GPATCH8: variants seen among roughly 807,000 people sequenced by gnomAD.
The protein encoded by GPATCH8 is G-patch domain containing 8.
GPATCH8 carries 18 observed loss-of-function variants against 118.3 expected under a neutral mutation model. That is an observed-to-expected ratio of 0.15 (90% CI 0.11 to 0.23). The LOEUF is 0.23. GPATCH8 is among the 10% of genes least tolerant of loss of function. The pLI, the probability that GPATCH8 is intolerant of heterozygous loss-of-function variation, is 1.00. For missense variants in GPATCH8, 1,631 were observed against 1,873.8 expected (o/e 0.87, Z 2.39); for synonymous variants, 659 against 684.7 (o/e 0.96, Z 0.59).
rs959078151 is a variant in GPATCH8 at position 44,400,784 on chromosome 17, G to A, written c.1293C>T (p.Ala431=). 3.7e-6 allele frequency: 6 copies of A among 1,613,968 alleles called. No individual in the cohort carries two copies. The highest frequency in any genetic ancestry group is 5.1e-6 in the Non-Finnish European group (6 of 1,179,904). ...GAGAACTGCCTTTTTTACTCTCTGGGGCATTCTTTGGGTGTGTAGTATTAT... is the reference window on the plus strand; with the variant it reads ...GAGAACTGCCTTTTTTACTCTCTGGAGCATTCTTTGGGTGTGTAGTATTAT... The part of the protein sequence containing the change: ...DGDNTTHPKN[A]PESKKGSSPK... The change falls in exon 8 of 8, where the codon GCC becomes GCT. Residue 431 remains alanine (A), a synonymous_variant. Coordinates refer to ENST00000591680, the MANE Select transcript of GPATCH8 (RefSeq NM_001002909.4).
intron 4 of GPATCH8, among the ~76,000 whole-genome samples, chr17:44,435,624 C>A: frequency 6.7e-6 from 1 of 149,368 alleles, no homozygotes; most frequent in African/African-American, 2.4e-5. Flanking sequence ...ATCATGTTGG[C>A]CAGGCTGATC....
chr17:44,497,420 T>A (rs1969738643), intron 1 of GPATCH8, among the ~76,000 whole-genome samples: 1 of 149,462 alleles, frequency 6.7e-6, no homozygotes, highest in African/African-American at 2.5e-5. Flanking sequence ...AGAAACCCCA[T>A]CTCTACAAAA....
intron 5 of GPATCH8, among the ~76,000 whole-genome samples, chr17:44,431,145 C>T (rs1283474071): frequency 9.3e-5 from 14 of 150,932 alleles, no homozygotes; most frequent in South Asian, 6.3e-4. Context: ...CTGAGGCAGG[C>T]GGATCACTTG....
At chr17:44,434,473 G>C (rs551375832) in intron 5 of GPATCH8, among the ~76,000 whole-genome samples, 96 of 152,312 alleles carry the variant, frequency 6.3e-4, no homozygotes, top group African/African-American at 2.3e-3. Flanking sequence ...GGAAGCCGTG[G>C]CAGGCAGATC....
intron 2 of GPATCH8, among the ~76,000 whole-genome samples, chr17:44,474,244 C>T (rs1164938877): frequency 1.3e-5 from 2 of 152,092 alleles, no homozygotes; most frequent in Non-Finnish European, 2.9e-5. Context: ...AATAAATCTC[C>T]TTGTTCTATT....
At chr17:44,477,959 G>GCCA (rs2144396792) in intron 1 of GPATCH8, among the ~76,000 whole-genome samples, 2 of 149,094 alleles carry the variant, frequency 1.3e-5, no homozygotes, top group East Asian at 4.1e-4. Context: ...ACAGGCACAC[G>GCCA]CCACCACACC....
At chr17:44,468,368 TGTTCC>T (rs1221016939) in intron 2 of GPATCH8, among the ~76,000 whole-genome samples, 1 of 141,428 alleles carries the variant, frequency 7.1e-6, no homozygotes, top group East Asian at 2.1e-4. Flanking sequence ...TAAATTTCTT[TGTTCC>T]TTTTTTTTTT....
intron 3 of GPATCH8, 113 bp downstream of exon 3, chr17:44,464,359 G>A (rs1175198169): frequency 2.6e-6 from 2 of 778,558 alleles, no homozygotes; most frequent in East Asian, 4.9e-5. Flanking sequence ...GGGGAAAAAG[G>A]TAGTAGGGAG....
At chr17:44,501,421 A>C (rs1380220601) in intron 1 of GPATCH8, among the ~76,000 whole-genome samples, 2 of 152,146 alleles carry the variant, frequency 1.3e-5, no homozygotes, top group Non-Finnish European at 2.9e-5. Context: ...CATTTCAAAA[A>C]AAAAAAAAAT....
intron 1 of GPATCH8, chr17:44,486,918 C>T (rs1376965573): frequency 6.6e-6 from 1 of 151,692 alleles, no homozygotes; most frequent in Non-Finnish European, 1.5e-5. Flanking sequence ...TTAGGTTTAT[C>T]GCAAAGTTGA....
At position 44,431,706 on chromosome 17, in the gene GPATCH8, G is replaced by T. The variant is rs1330877574; in HGVS notation, c.348+3359C>A. Among the ~76,000 whole-genome samples, 3 of 151,920 alleles carry T rather than the reference G, an allele frequency of 2.0e-5. No homozygotes were observed. The South Asian group carries it at 6.2e-4, about 32-fold the overall frequency. On this transcript the variant is annotated intron_variant, in intron 5 of 7. Coordinates refer to ENST00000591680, the MANE Select transcript of GPATCH8 (RefSeq NM_001002909.4). The stretch of plus-strand genomic sequence containing the variant: ...ATAAAAATGGGAGGCTGAGGTAGGG[G>T]GATCATTTGAAGTCAGGAGTTTGAG...
intron 3 of GPATCH8, among the ~76,000 whole-genome samples, chr17:44,442,655 G>A (rs1260911910): frequency 9.2e-5 from 14 of 152,146 alleles, no homozygotes. Context: ...AGTAGAGATG[G>A]GGTTTCACCA....
chr17:44,445,757 C>G (rs923747320), intron 3 of GPATCH8: 1 of 152,188 alleles, frequency 6.6e-6, no homozygotes. Flanking sequence ...CCACCCACCT[C>G]ATACTCCCAA....
rs1185448660 is a variant in GPATCH8, at chr17:44,475,611, G to A, written c.46-708C>T. Among the ~76,000 whole-genome samples the A allele has an allele frequency of 6.4e-4, 97 of 150,564 alleles. 1 individual carries two copies. The highest frequency in any genetic ancestry group is 6.4e-3 in the Admixed American group (96 of 15,090). On this transcript the variant is annotated intron_variant, in intron 1 of 7. Coordinates refer to ENST00000591680, the MANE Select transcript of GPATCH8 (RefSeq NM_001002909.4). Reference sequence around the variant, plus strand: ...TGGGAGGCTGAGGCAGGAGAATGGCGTGAACCCGGGAGGCGGAGCTTGCAG... The same window carrying A: ...TGGGAGGCTGAGGCAGGAGAATGGCATGAACCCGGGAGGCGGAGCTTGCAG...
At chr17:44,451,268 A>G (rs557286926) in intron 3 of GPATCH8, among the ~76,000 whole-genome samples, 2 of 152,126 alleles carry the variant, frequency 1.3e-5, no homozygotes, top group South Asian at 4.2e-4. Flanking sequence ...TAATTTTTGT[A>G]TATTTTGGTA....
chr17:44,395,662 A>T lies in GPATCH8; in HGVS notation c.*1906T>A. On this transcript the variant is annotated 3_prime_UTR_variant, in exon 8 of 8. Transcript: ENST00000591680. ...AGTACTGAACAGGTAGGAGGGTGGG[A>T]GGGCAGTCAAGAGTTGTGTTTGCCT... 2.2e-6 allele frequency: 1 copy of T among 454,146 alleles called. No individual in the cohort carries two copies. Among genetic ancestry groups the T allele is most frequent in the Non-Finnish European group, 4.4e-6 (1 of 226,800 alleles). 28.1% of individuals were successfully genotyped at this position (454,146 alleles called of 1,614,324 possible).
chr17:44,497,770 T>C (rs1196236931), intron 1 of GPATCH8, among the ~76,000 whole-genome samples: 1 of 150,942 alleles, frequency 6.6e-6, no homozygotes, highest in Admixed American at 6.6e-5. Context: ...TGAAACCCCG[T>C]CTCTAAAAAA....
At chr17:44,428,912 T>C (rs1266714999) in intron 5 of GPATCH8, among the ~76,000 whole-genome samples, 1 of 151,556 alleles carries the variant, frequency 6.6e-6, no homozygotes. Flanking sequence ...GAGGCCGAGG[T>C]GGGCGGTTCA....
chr17:44,404,604 C>A (rs1395419676), intron 7 of GPATCH8, among the ~76,000 whole-genome samples: 2 of 152,010 alleles, frequency 1.3e-5, no homozygotes, highest in Non-Finnish European at 2.9e-5. Context: ...CTCTATCTTA[C>A]AGATAAGGAA....
Sources: gnomAD v4.1 joint callset for allele counts (sites outside exome capture counted in the v4.1 genomes callset) on GRCh38, gnomAD v4.1.1 for gene constraint, MANE v1.5 for transcripts, NCBI Gene and HGNC (gene_info 2026-07-23, HGNC 2026-07-21) for gene names.